TOP3B: variants seen among roughly 807,000 people sequenced by gnomAD.
TOP3B encodes the protein DNA topoisomerase III beta, also known as DNA topoisomerase 3-beta-1.
TOP3B carries 45 observed loss-of-function variants against 93.9 expected under a neutral mutation model. The ratio of observed to expected loss-of-function variants is 0.48; its 90% CI spans 0.38 to 0.61. TOP3B has a LOEUF of 0.61. Among genes scored for constraint, TOP3B ranks in the 20% least tolerant of loss-of-function variants. The pLI is 0.00. For synonymous variants in TOP3B, 357 were observed against 472.6 expected (o/e 0.76, Z 3.17); for missense variants, 750 against 1,156.1 (o/e 0.65, Z 5.09).
chr22:21,976,214 G>A (rs1241947589), intron 1 of TOP3B: 1 of 152,638 alleles, frequency 6.6e-6, no homozygotes, highest in Non-Finnish European at 1.5e-5. Context: ...TCGTGGCCGA[G>A]AGCAGCACCT....
In TOP3B at chr22:21,960,481, C is replaced by T. The variant is rs367863837; in HGVS notation, c.1526-32G>A. ...TGTACAAGGCCCCAGGGTTCCTGGC[C>T]TGCCTTGGACATGCCCCACTGAACC... is the stretch of plus-strand genomic sequence containing the variant. On this transcript the variant is annotated intron_variant, in intron 13 of 17. Transcript: ENST00000357179. 4 of 1,611,556 alleles carry T rather than the reference C, an allele frequency of 2.5e-6. No homozygotes were observed. In the South Asian group the frequency reaches 4.4e-5, roughly 18 times the overall value.
chr22:21,962,915 C>T, intron 11 of TOP3B, 22 bp from the exon 12 acceptor site: 1 of 1,606,114 alleles, frequency 6.2e-7, no homozygotes, highest in Non-Finnish European at 8.5e-7. Context: ...CAGGGCTAGT[C>T]AGTTGGGAGC....
At chr22:21,974,312 C>A in intron 3 of TOP3B, 45 bp downstream of exon 3, 2 of 1,590,750 alleles carry the variant, frequency 1.3e-6, no homozygotes, top group South Asian at 1.1e-5. Context: ...CTGGCCAGTG[C>A]CATGCAGAAC....
chr22:21,959,627 C>T lies in TOP3B; in HGVS notation c.1764G>A (p.Val588=), dbSNP rs747002358. 37 of 1,613,296 alleles carry T rather than the reference C, an allele frequency of 2.3e-5. No individual in the cohort carries two copies. The highest frequency in any genetic ancestry group is 9.3e-5 in the African/African-American group (7 of 74,916). The change falls in exon 15 of 18, where the codon GTG becomes GTA. Residue 588 remains valine, a synonymous_variant. Coordinates refer to ENST00000357179, the MANE Select transcript of TOP3B (RefSeq NM_001282112.2). ...CAAAGTAGTGGAACTTCCTCTTGAA[C>T]ACGTCCAGGGTGTGGCCCAGGACCT... The part of the protein sequence containing the change: ...YRQVLGHTLD[V]FKRKFHYFVD...
Position 21,967,654 on chromosome 22 carries a change from C to T in TOP3B, c.801G>A (p.Arg267=). Residue 267 remains arginine (R), a synonymous_variant, in exon 8 of 18, where the codon CGG becomes CGA. Coordinates refer to ENST00000357179, the MANE Select transcript of TOP3B (RefSeq NM_001282112.2). The stretch of plus-strand genomic sequence containing the variant: ...TGTTTAAAAACATCTGTGCGATCTC[C>T]CGGTCAAACACTCTTACTCGGTCCC... The part of the protein sequence containing the change: ...LDWDRVRVFD[R]EIAQMFLNMT... 1 of 1,614,152 alleles carries T rather than the reference C, an allele frequency of 6.2e-7. No individual in the cohort carries two copies. The highest frequency in any genetic ancestry group is 8.5e-7 in the Non-Finnish European group (1 of 1,180,028).
At chr22:21,960,060 A>C in intron 14 of TOP3B, 1 of 629,700 alleles carries the variant, frequency 1.6e-6, no homozygotes, top group Non-Finnish European at 2.7e-6. Flanking sequence ...GGGAACCTCC[A>C]GGGAACAGGG....
rs142756136 is a variant in TOP3B, at chr22:21,969,224, C to A, written c.582-449G>T. The A allele has an allele frequency of 6.6e-3, 1,026 of 154,898 alleles. 10 individuals carry two copies. The highest frequency in any genetic ancestry group is 0.024 in the African/African-American group (979 of 41,574). The allele number at this position is 154,898 out of a possible 1,614,324, so 9.6% of individuals were successfully genotyped here. The stretch of plus-strand genomic sequence containing the variant: ...ATTCACAGATCATTGCAGCCTTGAA[C>A]TCCTGGGCTCAAGTGATCCTCCCAC... On this transcript the variant is annotated intron_variant, in intron 6 of 17. Coordinates refer to ENST00000357179, the MANE Select transcript of TOP3B (RefSeq NM_001282112.2).
At position 21,963,960 on chromosome 22, in the gene TOP3B, G is replaced by T. The variant is rs199795590; in HGVS notation, c.1167C>A (p.Pro389=). 3 of 1,612,980 alleles carry T rather than the reference G, an allele frequency of 1.9e-6. No homozygotes were observed. The highest frequency in any genetic ancestry group is 2.5e-6 in the Non-Finnish European group (3 of 1,179,790). Reference sequence around the variant, plus strand: ...CTGTGGCAGACTTCATGGGGGTGATGGGGGGATGGTCGCCGGCGTCATGGC... The same window carrying T: ...CTGTGGCAGACTTCATGGGGGTGATTGGGGGATGGTCGCCGGCGTCATGGC... ...RKGHDAGDHP[P]ITPMKSATEA... The change falls in exon 11 of 18, where the codon CCC becomes CCA. Residue 389 remains proline (P), a synonymous_variant. Transcript: ENST00000357179. This position sits in a 1 kb window ranked among gnomAD's most constrained non-coding sequence, Gnocchi z 4.8.
chr22:21,962,786 C>G lies in TOP3B; in HGVS notation c.1312G>C (p.Glu438Gln). The change falls in exon 12 of 18, where the codon GAG becomes CAG. Residue 438 changes from glutamate to glutamine, a missense_variant. Around this residue, in one of 4 missense-constraint regions of TOP3B, gnomAD observed 737 missense variants for 933.7 expected, o/e 0.79. Coordinates refer to ENST00000357179, the MANE Select transcript of TOP3B (RefSeq NM_001282112.2). ...QSTISFRIGP[E>Q]LFTCSGKTVL... ...GTCTTCCCGGAGCAGGTGAAGAGCT[C>G]GGGCCCAATTCTGAAGGAGATGGTG... The G allele has an allele frequency of 6.2e-7, 1 of 1,614,126 alleles. No individual in the cohort carries two copies. The highest frequency in any genetic ancestry group is 8.5e-7 in the Non-Finnish European group (1 of 1,180,028).
Position 21,962,761 on chromosome 22 carries a change from G to A in TOP3B, c.1337C>T (p.Thr446Ile). Residue 446 changes from threonine to isoleucine, a missense_variant, in exon 12 of 18, where the codon ACC becomes ATC. Physicochemically the swap from Thr to Ile is moderately conservative, Grantham distance 89. Around this residue, in one of 4 missense-constraint regions of TOP3B, gnomAD observed 737 missense variants for 933.7 expected, o/e 0.79. Transcript: ENST00000357179. ...CGTGGTGTGACCTGGTGAGAGGACGGTCTTCCCGGAGCAGGTGAAGAGCTC... is the reference window on the plus strand; with the variant it reads ...CGTGGTGTGACCTGGTGAGAGGACGATCTTCCCGGAGCAGGTGAAGAGCTC... ...GPELFTCSGK[T>I]VLSPGFTEVM... 1 of 1,614,146 alleles carries A rather than the reference G, an allele frequency of 6.2e-7. No homozygotes were observed. The highest frequency in any genetic ancestry group is 8.5e-7 in the Non-Finnish European group (1 of 1,180,026).
intron 1 of TOP3B, chr22:21,976,794 T>A (rs1438774023): frequency 6.6e-6 from 1 of 152,162 alleles, no homozygotes; most frequent in Middle Eastern, 3.2e-3. Context: ...ACCCTTTTTG[T>A]TTTTTCAGTC....
At position 21,975,973 on chromosome 22, in the gene TOP3B, A is replaced by G. The variant is rs369097522; in HGVS notation, c.-98-166T>C. 5.1e-4 allele frequency: 169 copies of G among 328,548 alleles called. 1 individual carries two copies. Among genetic ancestry groups the G allele is most frequent in the African/African-American group, 3.5e-3 (161 of 46,292 alleles). 20.4% of individuals were successfully genotyped at this position (328,548 alleles called of 1,614,324 possible). A position where few individuals can be genotyped will look rare whatever the true frequency, so the allele number is the denominator to read the frequency against. Reference sequence around the variant, plus strand: ...AGACATCTGAGATTAAAAACAAGAAAAAACTACCAGGTCAGCTGAAGTGGC... The same window carrying G: ...AGACATCTGAGATTAAAAACAAGAAGAAACTACCAGGTCAGCTGAAGTGGC... On this transcript the variant is annotated intron_variant, in intron 1 of 17. Transcript: ENST00000357179.
At chr22:21,962,193 G>A (rs1214636913) in intron 13 of TOP3B, 20 of 1,459,776 alleles carry the variant, frequency 1.4e-5, no homozygotes, top group East Asian at 5.1e-5. Context: ...CACAGTGCAC[G>A]AGGGCACATC....
At position 21,959,708 on chromosome 22, in the gene TOP3B, G is replaced by A. The variant is rs1192320300; in HGVS notation, c.1683C>T (p.Arg561=). ...IDAELVLPTI[R]SAVEKQLNLI... Reference sequence around the variant, plus strand: ...GGTTCAGCTGCTTCTCCACTGCACTGCGGATGGTGGGGAGCACCAGCTCTG... The same window carrying A: ...GGTTCAGCTGCTTCTCCACTGCACTACGGATGGTGGGGAGCACCAGCTCTG... Residue 561 remains arginine, a synonymous_variant, in exon 15 of 18, where the codon CGC becomes CGT. Transcript: ENST00000357179. 1.2e-6 allele frequency: 2 copies of A among 1,613,250 alleles called. No individual in the cohort carries two copies. The highest frequency in any genetic ancestry group is 2.7e-5 in the African/African-American group (2 of 74,898).
At position 21,965,281 on chromosome 22, in the gene TOP3B, A is replaced by C; in HGVS notation, c.943+4T>G. The C allele has an allele frequency of 6.3e-7, 1 of 1,590,488 alleles. No individual in the cohort carries two copies. The highest frequency in any genetic ancestry group is 8.6e-7 in the Non-Finnish European group (1 of 1,167,264). ...GGTGACTTGAGAGAAATGTCCCTACATACCCAGAGAAGAGCTGGCCACACG... is the reference window on the plus strand; with the variant it reads ...GGTGACTTGAGAGAAATGTCCCTACCTACCCAGAGAAGAGCTGGCCACACG... On this transcript the variant is annotated splice_donor_region_variant and intron_variant, in intron 9 of 17. Coordinates refer to ENST00000357179, the MANE Select transcript of TOP3B (RefSeq NM_001282112.2).
intron 16 of TOP3B, 67 bp from the exon 17 acceptor site, chr22:21,958,760 C>A: frequency 6.7e-7 from 1 of 1,494,640 alleles, no homozygotes; most frequent in South Asian, 1.3e-5. Context: ...CACCCCCACT[C>A]CTCTCATAAT....
rs148733563 is a variant in TOP3B at position 21,981,102 on chromosome 22, T to A, written c.-99+1628A>T. On this transcript the variant is annotated intron_variant, in intron 1 of 17. Coordinates refer to ENST00000357179, the MANE Select transcript of TOP3B (RefSeq NM_001282112.2). ...GTTCTGTGAGGGTCTGAGTTTCCCA[T>A]CTCTTCCAAAGTAGGAAATTTTGTC... Among the ~76,000 whole-genome samples, 17 of 152,332 alleles carry A rather than the reference T, an allele frequency of 1.1e-4. No individual in the cohort carries two copies. The East Asian group carries it at 3.3e-3, about 29-fold the overall frequency.
chr22:21,963,805 G>T lies in TOP3B; in HGVS notation c.1204+118C>A. ...TTCCAGGTGGCCCCCCATCCCCACA[G>T]CCAGGGCAGGCAGAGGCTGAAGGAG... On this transcript the variant is annotated intron_variant, in intron 11 of 17. Transcript: ENST00000357179. This position sits in a 1 kb window ranked among gnomAD's most constrained non-coding sequence, Gnocchi z 4.8. 1 of 1,058,846 alleles carries T rather than the reference G, an allele frequency of 9.4e-7. No individual in the cohort carries two copies. Among genetic ancestry groups the T allele is most frequent in the Non-Finnish European group, 1.4e-6 (1 of 720,006 alleles). The allele number at this position is 1,058,846 out of a possible 1,614,324, so 65.6% of individuals were successfully genotyped here.
In TOP3B at chr22:21,962,526, G is replaced by A. The variant is rs1442193893; in HGVS notation, c.1428C>T (p.Phe476=). Residue 476 remains phenylalanine, a synonymous_variant, in exon 13 of 18, where the codon TTC becomes TTT. Transcript: ENST00000357179. ...CCAGCATCTTCACCTCGCCCACAGGGAAGGCATCACCCCGCTGGCAAGTGG... is the reference window on the plus strand; with the variant it reads ...CCAGCATCTTCACCTCGCCCACAGGAAAGGCATCACCCCGCTGGCAAGTGG... ...SLPTCQRGDA[F]PVGEVKMLEK... 1 of 1,613,626 alleles carries A rather than the reference G, an allele frequency of 6.2e-7. No individual in the cohort carries two copies. Among genetic ancestry groups the A allele is most frequent in the Non-Finnish European group, 8.5e-7 (1 of 1,180,050 alleles).
Sources: gnomAD v4.1 joint callset for allele counts (sites outside exome capture counted in the v4.1 genomes callset) on GRCh38, gnomAD v4.1.1 for gene constraint, gnomAD v4.1.1 regional missense constraint, Gnocchi (gnomAD v3.1) non-coding constraint, MANE v1.5 for transcripts, NCBI Gene and HGNC (gene_info 2026-07-23, HGNC 2026-07-21) for gene names.